The following RBM6 variants were observed in gnomAD, a reference collection of about 807,000 sequenced individuals.
RBM6 encodes RNA-binding protein 6.
A neutral mutation model predicts 140.4 loss-of-function variants in RBM6; 23 were observed. That is an observed-to-expected ratio of 0.16 (90% CI 0.12 to 0.23). RBM6 has a LOEUF of 0.23. RBM6 is among the 10% of genes least tolerant of loss of function. RBM6 has a pLI of 1.00. For synonymous variants in RBM6, 439 were observed against 475.6 expected, an observed-to-expected ratio of 0.92 and a Z score of 1.00; for missense variants, 1,139 against 1,386.7, an observed-to-expected ratio of 0.82 and a Z score of 2.84.
At chr3:49,975,156 G>A (rs1230811670) in intron 4 of RBM6, among the ~76,000 whole-genome samples, 167 bp from the exon 5 acceptor site, 1 of 152,084 alleles carries the variant, frequency 6.6e-6, no homozygotes, top group African/African-American at 2.4e-5. Context: ...GAATAATTAT[G>A]TTCTACTCAT....
At chr3:49,952,375 AG>A (rs2083774551) in intron 1 of RBM6, among the ~76,000 whole-genome samples, 1 of 151,938 alleles carries the variant, frequency 6.6e-6, no homozygotes, top group African/African-American at 2.4e-5. Flanking sequence ...CATGTTGGCC[AG>A]GCTGGTCTCA....
intron 6 of RBM6, among the ~76,000 whole-genome samples, chr3:50,006,179 G>A (rs1376109418): frequency 6.9e-6 from 1 of 145,364 alleles, no homozygotes; most frequent in Non-Finnish European, 1.5e-5. Context: ...GAGTCTCGCT[G>A]TGTCGCCCAG....
chr3:50,060,945 A>T lies in RBM6; in HGVS notation c.2229-11A>T, dbSNP rs202148376. 27 of 1,557,330 alleles carry T rather than the reference A, an allele frequency of 1.7e-5. No homozygotes were observed. Among genetic ancestry groups the T allele is most frequent in the Non-Finnish European group, 2.3e-5 (26 of 1,154,884 alleles). ...TAGCAGCCTTAAGAATTGTTGTGTTATCTGTTGCAGAAATGATTCTGGGGA... is the reference window on the plus strand; with the variant it reads ...TAGCAGCCTTAAGAATTGTTGTGTTTTCTGTTGCAGAAATGATTCTGGGGA... On this transcript the variant is annotated splice_polypyrimidine_tract_variant and intron_variant, in intron 11 of 20. Transcript: ENST00000266022.
chr3:49,981,142 C>T (rs1177165010), intron 5 of RBM6, among the ~76,000 whole-genome samples: 1 of 152,020 alleles, frequency 6.6e-6, no homozygotes, highest in Non-Finnish European at 1.5e-5. Flanking sequence ...CCTCATGATT[C>T]GTCCACCTCT....
At chr3:49,961,303 C>A (rs1559527111) in intron 1 of RBM6, among the ~76,000 whole-genome samples, 1 of 152,030 alleles carries the variant, frequency 6.6e-6, no homozygotes, top group Non-Finnish European at 1.5e-5. Context: ...GTCTCGAACT[C>A]CTGACCTCAG....
At chr3:49,958,201 G>A (rs2084093082) in intron 1 of RBM6, among the ~76,000 whole-genome samples, 1 of 152,080 alleles carries the variant, frequency 6.6e-6, no homozygotes, top group Non-Finnish European at 1.5e-5. Context: ...TAAGGCGGGC[G>A]GATCACGAGG....
chr3:50,012,015 C>G (rs956537342), intron 6 of RBM6, among the ~76,000 whole-genome samples: 1 of 151,674 alleles, frequency 6.6e-6, no homozygotes. Flanking sequence ...TCGTGCCCAG[C>G]TAATTTTTTA....
chr3:49,999,150 T>A (rs2086214101), intron 5 of RBM6, among the ~76,000 whole-genome samples: 1 of 152,130 alleles, frequency 6.6e-6, no homozygotes, highest in African/African-American at 2.4e-5. Context: ...TCTGTGGGAT[T>A]ACCCAATTCT....
At chr3:49,994,607 TA>T (rs1322201205) in intron 5 of RBM6, among the ~76,000 whole-genome samples, 6 of 152,282 alleles carry the variant, frequency 3.9e-5, no homozygotes, top group Admixed American at 3.3e-4. Flanking sequence ...TGGTGCCTTT[TA>T]TATTCAAAAT....
At chr3:50,060,587 A>G (rs1367296213) in intron 11 of RBM6, among the ~76,000 whole-genome samples, 1 of 85,306 alleles carries the variant, frequency 1.2e-5, no homozygotes, top group Non-Finnish European at 2.4e-5. Context: ...CTCTACTAAA[A>G]ATACAAAAAA....
At chr3:50,017,936 C>T (rs1157399216) in intron 6 of RBM6, among the ~76,000 whole-genome samples, 1 of 152,146 alleles carries the variant, frequency 6.6e-6, no homozygotes, top group Non-Finnish European at 1.5e-5. Context: ...TGAACAGTTC[C>T]TGTATAGTTA....
chr3:50,065,098 C>G lies in RBM6; in HGVS notation c.2654C>G (p.Thr885Ser), dbSNP rs757748130. Residue 885 changes from threonine (T) to serine (S), a missense_variant, in exon 16 of 21, where the codon ACT (threonine) becomes AGT (serine). Around this residue, in one of 9 missense-constraint regions of RBM6, gnomAD observed 163 missense variants for 182.8 expected, o/e 0.89. Coordinates refer to ENST00000266022, the MANE Select transcript of RBM6 (RefSeq NM_005777.3). ...EDVFKKPLPP[T>S]VKKEESPPPP... ...GTCTTTAAGAAGCCCCTGCCTCCTA[C>G]TGTGAAGAAGGAAGAGAGTCCCCCT... The G allele has an allele frequency of 4.3e-6, 7 of 1,613,384 alleles. No homozygotes were observed. The highest frequency in any genetic ancestry group is 1.7e-5 in the Admixed American group (1 of 59,980).
At chr3:49,974,295 C>G (rs902272915) in intron 4 of RBM6, among the ~76,000 whole-genome samples, 4 of 152,014 alleles carry the variant, frequency 2.6e-5, no homozygotes, top group African/African-American at 9.7e-5. Context: ...TCAAGGCTCA[C>G]TACAGCCTCA....
intron 1 of RBM6, among the ~76,000 whole-genome samples, chr3:49,947,802 C>T (rs936036835): frequency 5.3e-5 from 8 of 152,152 alleles, no homozygotes; most frequent in Non-Finnish European, 1.2e-4. Flanking sequence ...ATTCAGTTTT[C>T]GGAGTACCAT....
At position 49,967,256 on chromosome 3, in the gene RBM6, C is replaced by T; in HGVS notation, c.45-214C>T. The T allele has an allele frequency of 3.8e-6, 5 of 1,330,358 alleles. No individual in the cohort carries two copies. The highest frequency in any genetic ancestry group is 5.6e-5 in the East Asian group (2 of 35,978). 82.4% of individuals were successfully genotyped at this position (1,330,358 alleles called of 1,614,324 possible). A position where few individuals can be genotyped will look rare whatever the true frequency, so the allele number is the denominator to read the frequency against. On this transcript the variant is annotated intron_variant, in intron 2 of 20. Transcript: ENST00000266022. The surrounding 1 kb of genome is among the most constrained non-coding windows in gnomAD (Gnocchi z 4.0). ...TTGAAAACCTTGTGTTGACTTTCCTCGTGTTCTGAAATGGGAGCATAAAAG... is the reference window on the plus strand; with the variant it reads ...TTGAAAACCTTGTGTTGACTTTCCTTGTGTTCTGAAATGGGAGCATAAAAG...
intron 6 of RBM6, among the ~76,000 whole-genome samples, chr3:50,032,700 CA>C (rs943697837): frequency 6.6e-6 from 1 of 151,082 alleles, no homozygotes; most frequent in Admixed American, 6.6e-5. Context: ...GAAATAGAGA[CA>C]GGGGGCCGGG....
At chr3:50,018,754 T>A (rs1240305019) in intron 6 of RBM6, among the ~76,000 whole-genome samples, 2 of 151,746 alleles carry the variant, frequency 1.3e-5, no homozygotes, top group Non-Finnish European at 2.9e-5. Context: ...CATGCCCAGC[T>A]AATTTTTTGT....
chr3:50,065,456 A>C, intron 16 of RBM6: 1 of 444,098 alleles, frequency 2.3e-6, no homozygotes, highest in Non-Finnish European at 4.4e-6. Context: ...TCTCAGCCTC[A>C]ATCTTTCCTG....
chr3:49,967,232 T>C lies in RBM6; in HGVS notation c.45-238T>C. The C allele has an allele frequency of 7.8e-7, 1 of 1,285,202 alleles. No homozygotes were observed. The highest frequency in any genetic ancestry group is 9.8e-7 in the Non-Finnish European group (1 of 1,016,286). 79.6% of individuals were successfully genotyped at this position (1,285,202 alleles called of 1,614,324 possible). On this transcript the variant is annotated intron_variant, in intron 2 of 20. Coordinates refer to ENST00000266022, the MANE Select transcript of RBM6 (RefSeq NM_005777.3). This position sits in a 1 kb window ranked among gnomAD's most constrained non-coding sequence, Gnocchi z 4.0. ...AAAGCTTTTTCTGCAGCAGTCATGTTGAAAACCTTGTGTTGACTTTCCTCG... is the reference window on the plus strand; with the variant it reads ...AAAGCTTTTTCTGCAGCAGTCATGTCGAAAACCTTGTGTTGACTTTCCTCG...
Sources: gnomAD v4.1 joint callset for allele counts (sites outside exome capture counted in the v4.1 genomes callset) on GRCh38, gnomAD v4.1.1 for gene constraint, gnomAD v4.1.1 regional missense constraint, Gnocchi (gnomAD v3.1) non-coding constraint, MANE v1.5 for transcripts, NCBI Gene and HGNC (gene_info 2026-07-23, HGNC 2026-07-21) for gene names.